The following DSCAM variants were observed in gnomAD, a reference collection of about 807,000 sequenced individuals.
DSCAM encodes cell adhesion molecule DSCAM.
A neutral mutation model predicts 217.7 loss-of-function variants in DSCAM; 47 were observed. That is an observed-to-expected ratio of 0.22 (90% CI 0.17 to 0.28). DSCAM has a LOEUF of 0.28. Ranked by LOEUF, DSCAM falls within the 10% of genes least tolerant of loss-of-function variation. The pLI is 1.00. For synonymous variants in DSCAM, 1,056 were observed against 1,015.3 expected, an observed-to-expected ratio of 1.04 and a Z score of -0.76; for missense variants, 2,080 against 2,618.3, an observed-to-expected ratio of 0.79 and a Z score of 4.49.
intron 1 of DSCAM, among the ~76,000 whole-genome samples, chr21:40,731,877 C>T (rs1388540079): frequency 6.6e-6 from 1 of 151,522 alleles, no homozygotes; most frequent in Non-Finnish European, 1.5e-5. Flanking sequence ...TACAGGTGTG[C>T]ACCACATCTG....
In DSCAM at chr21:40,189,255, G is replaced by A; in HGVS notation, c.2357-17C>T. ...TCGCAGGAACTGAAAAAGCAAAAGG[G>A]ACACAACTTGTTCAGCAAAGCAGGG... On this transcript the variant is annotated splice_polypyrimidine_tract_variant and intron_variant, in intron 11 of 32. Transcript: ENST00000400454. The A allele has an allele frequency of 6.5e-7, 1 of 1,540,340 alleles. No individual in the cohort carries two copies. Among genetic ancestry groups the A allele is most frequent in the Non-Finnish European group, 8.7e-7 (1 of 1,144,802 alleles).
chr21:40,633,763 T>C (rs892286114), intron 3 of DSCAM, among the ~76,000 whole-genome samples: 1 of 152,134 alleles, frequency 6.6e-6, no homozygotes, highest in South Asian at 2.1e-4. Flanking sequence ...AAAACGCAAA[T>C]GCCTGGAGTG....
chr21:40,757,128 C>A (rs2091284753), intron 1 of DSCAM, among the ~76,000 whole-genome samples: 1 of 152,012 alleles, frequency 6.6e-6, no homozygotes, highest in African/African-American at 2.4e-5. Flanking sequence ...GGGTTCACAC[C>A]ATTCTCCTGC....
In DSCAM at chr21:40,608,423, G is replaced by A. The variant is rs721505; in HGVS notation, c.508+84387C>T. 4.8e-3 allele frequency among the ~76,000 whole-genome samples: 735 copies of A among 152,334 alleles called. 5 individuals carry two copies. The highest frequency in any genetic ancestry group is 7.8e-3 in the Non-Finnish European group (533 of 68,044). ...AAGAAACCGTGCCATTGTATACCAG[G>A]TAACATTGTATATTTTCTCATTTCC... On this transcript the variant is annotated intron_variant, in intron 3 of 32. Coordinates refer to ENST00000400454, the MANE Select transcript of DSCAM (RefSeq NM_001389.5).
intron 32 of DSCAM, among the ~76,000 whole-genome samples, chr21:40,027,079 CA>C (rs1388478539): frequency 6.6e-6 from 1 of 152,220 alleles, no homozygotes; most frequent in Non-Finnish European, 1.5e-5. Flanking sequence ...CTGGTAGTGA[CA>C]AAATCTCTCA....
In DSCAM at chr21:40,011,287, G is replaced by T. The variant is rs1369246822; in HGVS notation, c.*1747C>A. 6.6e-6 allele frequency: 1 copy of T among 152,196 alleles called. No individual in the cohort carries two copies. Among genetic ancestry groups the T allele is most frequent in the Non-Finnish European group, 1.5e-5 (1 of 68,050 alleles). The allele number at this position is 152,196 out of a possible 1,614,324, so 9.4% of individuals were successfully genotyped here. Reference sequence around the variant, plus strand: ...CTTGACATGGTCCTGGACCCATTCTGTGTCACTGAATCTAAGCAGACAAAT... The same window carrying T: ...CTTGACATGGTCCTGGACCCATTCTTTGTCACTGAATCTAAGCAGACAAAT... On this transcript the variant is annotated 3_prime_UTR_variant, in exon 33 of 33. Coordinates refer to ENST00000400454, the MANE Select transcript of DSCAM (RefSeq NM_001389.5).
intron 27 of DSCAM, among the ~76,000 whole-genome samples, chr21:40,065,020 G>A (rs145161645): frequency 1.1e-4 from 17 of 152,188 alleles, no homozygotes; most frequent in African/African-American, 4.1e-4. Flanking sequence ...AGAGGCTCTG[G>A]GCATTAGAGA....
intron 3 of DSCAM, among the ~76,000 whole-genome samples, chr21:40,617,419 C>G (rs1007123900): frequency 1.3e-5 from 2 of 152,148 alleles, no homozygotes; most frequent in African/African-American, 4.8e-5. Flanking sequence ...CCACCGCGCC[C>G]GGCCCAGAAT....
intron 3 of DSCAM, among the ~76,000 whole-genome samples, chr21:40,508,192 T>C (rs1246468962): frequency 6.6e-6 from 1 of 152,198 alleles, no homozygotes; most frequent in Non-Finnish European, 1.5e-5. Flanking sequence ...GAAGAAACCA[T>C]GAACTGTGAG....
At chr21:40,116,328 GA>G (rs1188514485) in intron 20 of DSCAM, among the ~76,000 whole-genome samples, 2 of 152,024 alleles carry the variant, frequency 1.3e-5, no homozygotes, top group African/African-American at 4.8e-5. Flanking sequence ...AAAAAATAAC[GA>G]ACTGCATTCC....
chr21:40,513,114 T>C (rs1306088198), intron 3 of DSCAM: 1 of 152,244 alleles, frequency 6.6e-6, no homozygotes, highest in African/African-American at 2.4e-5. Flanking sequence ...TTGGTCAGGC[T>C]GGTCTTGAAC....
At chr21:40,553,070 T>G (rs1339675222) in intron 3 of DSCAM, among the ~76,000 whole-genome samples, 2 of 152,232 alleles carry the variant, frequency 1.3e-5, no homozygotes, top group Non-Finnish European at 2.9e-5. Flanking sequence ...TGCACTGAAT[T>G]GTAAGATATT....
chr21:40,539,165 T>C (rs1438537283), intron 3 of DSCAM, among the ~76,000 whole-genome samples: 7 of 152,238 alleles, frequency 4.6e-5, no homozygotes, highest in Non-Finnish European at 1.0e-4. Context: ...ACCCCAGATG[T>C]CCACACCGGG....
At chr21:40,667,201 A>G (rs1330703773) in intron 3 of DSCAM, among the ~76,000 whole-genome samples, 3 of 152,164 alleles carry the variant, frequency 2.0e-5, no homozygotes, top group Admixed American at 6.5e-5. Flanking sequence ...ATATCTCAGA[A>G]AAAAGCCAGA....
intron 3 of DSCAM, among the ~76,000 whole-genome samples, chr21:40,608,314 C>G (rs1310286821): frequency 1.3e-5 from 2 of 151,938 alleles, no homozygotes; most frequent in Admixed American, 6.6e-5. Flanking sequence ...TTTGAAACTG[C>G]AAAGAACAGC....
At chr21:40,427,182 G>A (rs755326724) in intron 3 of DSCAM, among the ~76,000 whole-genome samples, 4 of 152,188 alleles carry the variant, frequency 2.6e-5, no homozygotes, top group African/African-American at 9.7e-5. Flanking sequence ...TCATGGACCT[G>A]TCTGTCCCAG....
intron 3 of DSCAM, among the ~76,000 whole-genome samples, chr21:40,517,253 A>G (rs1227631630): frequency 2.7e-5 from 4 of 149,402 alleles, no homozygotes; most frequent in East Asian, 3.9e-4. Context: ...ATGTGTGTAT[A>G]TATATACCTT....
intron 1 of DSCAM, among the ~76,000 whole-genome samples, chr21:40,811,535 A>G (rs1244835461): frequency 6.6e-6 from 1 of 152,202 alleles, no homozygotes; most frequent in Admixed American, 6.5e-5. Flanking sequence ...GCGCACGTGG[A>G]GTCAGATTCT....
chr21:40,235,359 C>T (rs560895050), intron 11 of DSCAM, among the ~76,000 whole-genome samples: 1 of 152,272 alleles, frequency 6.6e-6, no homozygotes, highest in African/African-American at 2.4e-5. Context: ...AGAGAGGAAG[C>T]TGTCAGGTTT....
Sources: gnomAD v4.1 joint callset for allele counts (sites outside exome capture counted in the v4.1 genomes callset) on GRCh38, gnomAD v4.1.1 for gene constraint, MANE v1.5 for transcripts, NCBI Gene and HGNC (gene_info 2026-07-23, HGNC 2026-07-21) for gene names.